The following THADA variants were observed in gnomAD, a reference collection of about 807,000 sequenced individuals.
The protein encoded by THADA is tRNA (32-2'-O)-methyltransferase regulator THADA.
THADA carries 213 observed loss-of-function variants against 219.8 expected under a neutral mutation model. The ratio of observed to expected loss-of-function variants is 0.97; its 90% confidence interval spans 0.87 to 1.09. The LOEUF is 1.09. Among genes scored for constraint, THADA ranks in the 50% least tolerant of loss-of-function variants. The probability of loss-of-function intolerance (pLI) is 0.00; values close to 1 mark genes in which losing one functional copy is unlikely to be tolerated. For missense variants in THADA, 2,956 were observed against 2,311.3 expected (o/e 1.28, Z -5.72); for synonymous variants, 1,018 against 828.9 (o/e 1.23, Z -3.92).
chr2:43,412,351 G>A (rs1480847253), intron 28 of THADA, among the ~76,000 whole-genome samples: 1 of 152,088 alleles, frequency 6.6e-6, no homozygotes, highest in Admixed American at 6.6e-5. Flanking sequence ...TAAAAATAAA[G>A]TGCTATGTGT....
At chr2:43,348,478 G>A (rs777902615) in intron 29 of THADA, among the ~76,000 whole-genome samples, 32 of 152,270 alleles carry the variant, frequency 2.1e-4, no homozygotes, top group East Asian at 1.9e-4. Flanking sequence ...CAAAGAATGG[G>A]CAGAGAGCCC....
rs570225059 is a variant in THADA, at chr2:43,400,627, G to C, written c.4059-2488C>G. ...ATTTTCATTCTGCTTTGGACACTGA[G>C]TTCTGTGACTTGGACAAGTCACAGT... On this transcript the variant is annotated intron_variant, in intron 28 of 37. Transcript: ENST00000405975. Among the ~76,000 whole-genome samples the C allele has an allele frequency of 1.6e-4, 25 of 152,070 alleles. No individual in the cohort carries two copies. The South Asian group carries it at 5.0e-3, about 30-fold the overall frequency.
chr2:43,295,418 T>C (rs1675254343), intron 31 of THADA, among the ~76,000 whole-genome samples: 1 of 152,250 alleles, frequency 6.6e-6, no homozygotes, highest in Non-Finnish European at 1.5e-5. Flanking sequence ...CCCCCACTTA[T>C]GAATCCTCTT....
rs1678829580 is a variant in THADA at position 43,428,667 on chromosome 2, T to TC, written c.3927-437_3927-436insG. Reference sequence around the variant, plus strand: ...TCAAGGGGATAGTTTTCCTTTTTTCTTTTTTTTTTCTACGTTCACTTCTTA... The same window carrying TC: ...TCAAGGGGATAGTTTTCCTTTTTTCTCTTTTTTTTTCTACGTTCACTTCTTA... On this transcript the variant is annotated intron_variant, in intron 27 of 37. Transcript: ENST00000405975. 2.0e-5 allele frequency among the ~76,000 whole-genome samples: 3 copies of TC among 149,392 alleles called. No individual in the cohort carries two copies. In the South Asian group the frequency reaches 6.4e-4, roughly 32 times the overall value.
chr2:43,390,475 T>C (rs982106406), intron 29 of THADA, among the ~76,000 whole-genome samples: 1 of 152,184 alleles, frequency 6.6e-6, no homozygotes, highest in Admixed American at 6.5e-5. Context: ...AGTTTTCCCA[T>C]GTCTTGTGAT....
At chr2:43,407,830 T>A (rs1675762077) in intron 28 of THADA, among the ~76,000 whole-genome samples, 1 of 152,068 alleles carries the variant, frequency 6.6e-6, no homozygotes, top group African/African-American at 2.4e-5. Flanking sequence ...TAAATATATG[T>A]GGGTTTTCAC....
At chr2:43,439,634 A>G (rs1251564315) in intron 26 of THADA, among the ~76,000 whole-genome samples, 2 of 152,286 alleles carry the variant, frequency 1.3e-5, no homozygotes, top group Admixed American at 1.3e-4. Flanking sequence ...GTTCTATTTT[A>G]TTATTAGTTA....
chr2:43,316,684 T>C (rs1432378885), intron 31 of THADA, among the ~76,000 whole-genome samples: 1 of 152,084 alleles, frequency 6.6e-6, no homozygotes, highest in East Asian at 1.9e-4. Context: ...TCCCAGCACT[T>C]AGGGAGGCCG....
intron 22 of THADA, among the ~76,000 whole-genome samples, chr2:43,518,917 C>T (rs1211207658): frequency 2.0e-5 from 3 of 152,086 alleles, no homozygotes; most frequent in African/African-American, 7.2e-5. Context: ...GACCCCTCTG[C>T]TAATCTCCTG....
intron 29 of THADA, among the ~76,000 whole-genome samples, chr2:43,358,419 A>G (rs1400348067): frequency 5.3e-5 from 8 of 152,074 alleles, no homozygotes; most frequent in African/African-American, 1.7e-4. Flanking sequence ...TCTGTGCCCA[A>G]TGTGGCTGAA....
chr2:43,306,381 C>G, intron 31 of THADA, among the ~76,000 whole-genome samples: 1 of 152,118 alleles, frequency 6.6e-6, no homozygotes, highest in Middle Eastern at 3.2e-3. Context: ...CCACCATGAC[C>G]CTGTTTAATT....
chr2:43,307,986 T>C (rs750752985), intron 31 of THADA, among the ~76,000 whole-genome samples: 3 of 151,938 alleles, frequency 2.0e-5, no homozygotes, highest in Non-Finnish European at 4.4e-5. Flanking sequence ...ATATAGAAGA[T>C]ATAAAAAGGA....
intron 28 of THADA, among the ~76,000 whole-genome samples, chr2:43,408,801 T>C (rs1016229440): frequency 2.0e-5 from 3 of 152,250 alleles, no homozygotes; most frequent in Non-Finnish European, 4.4e-5. Flanking sequence ...AATATCATTA[T>C]GACCTCTCTT....
chr2:43,246,568 C>A (rs1669178922), intron 36 of THADA, among the ~76,000 whole-genome samples: 1 of 152,202 alleles, frequency 6.6e-6, no homozygotes, highest in East Asian at 1.9e-4. Context: ...CACCCTACCT[C>A]ACCCCCTAGG....
chr2:43,518,531 A>T (rs972381439), intron 22 of THADA, among the ~76,000 whole-genome samples: 1 of 152,204 alleles, frequency 6.6e-6, no homozygotes, highest in Non-Finnish European at 1.5e-5. Flanking sequence ...AAGACCCAAG[A>T]ACAAAACCAA....
At chr2:43,592,651 G>A (rs1184069885) in intron 1 of THADA, among the ~76,000 whole-genome samples, 1 of 152,140 alleles carries the variant, frequency 6.6e-6, no homozygotes, top group South Asian at 2.1e-4. Flanking sequence ...GCTCCAGAAT[G>A]AGAATCACTG....
Position 43,578,605 on chromosome 2 carries a change from C to T in THADA, c.724G>A (p.Asp242Asn). 1 of 1,588,144 alleles carries T rather than the reference C, an allele frequency of 6.3e-7. No individual in the cohort carries two copies. Residue 242 changes from aspartate (D) to asparagine (N), a missense_variant and splice_region_variant, in exon 9 of 38, where the codon GAT (aspartate) becomes AAT (asparagine). Coordinates refer to ENST00000405975, the MANE Select transcript of THADA (RefSeq NM_022065.5). Reference protein sequence around the residue: ...SIFTKVLSDDDLLQTVQSTSG... With the variant: ...SIFTKVLSDDNLLQTVQSTSG... ...GTGCTCTGTACAGTCTGTAACAGAT[C>T]ATCTATTTGGCAAAAAAGGAGAGAA... is the stretch of plus-strand genomic sequence containing the variant.
At chr2:43,442,104 T>C (rs1282290963) in intron 26 of THADA, among the ~76,000 whole-genome samples, 6 of 152,140 alleles carry the variant, frequency 3.9e-5, no homozygotes. Flanking sequence ...ATATATCATT[T>C]GGGTCGGGGA....
At chr2:43,446,594 C>T (rs1029312645) in intron 26 of THADA, among the ~76,000 whole-genome samples, 1 of 152,190 alleles carries the variant, frequency 6.6e-6, no homozygotes, top group African/African-American at 2.4e-5. Context: ...CAGATGACAA[C>T]ACATGGCGAA....
Sources: allele counts gnomAD v4.1 joint callset (sites outside exome capture counted in the v4.1 genomes callset), GRCh38; gene constraint gnomAD v4.1.1; transcripts MANE v1.5; gene names NCBI Gene and HGNC (gene_info 2026-07-23, HGNC 2026-07-21).